Variants in CCNY observed in about 807,000 individuals in gnomAD.
CCNY encodes the protein cyclin Y, also known as cyclin-Y.
A neutral mutation model predicts 42.8 loss-of-function variants in CCNY; 19 were observed. The ratio of observed to expected loss-of-function variants is 0.44; its 90% confidence interval spans 0.31 to 0.65. CCNY has a LOEUF of 0.65. Ranked by LOEUF, CCNY falls within the 30% of genes least tolerant of loss-of-function variation. The pLI, the probability that CCNY is intolerant of heterozygous loss-of-function variation, is 0.07. For missense variants in CCNY, 370 were observed against 437.3 expected (o/e 0.85, Z 1.37); for synonymous variants, 165 against 162.7 (o/e 1.01, Z -0.11).
intron 1 of CCNY, among the ~76,000 whole-genome samples, chr10:35,465,899 A>AG (rs1564421943): frequency 2.4e-5 from 2 of 82,462 alleles, no homozygotes; most frequent in African/African-American, 9.2e-5. Context: ...TCAGCAGGGT[A>AG]GGGGGAAGAG....
chr10:35,334,397 A>G (rs985476373), upstream of CCNY, among the ~76,000 whole-genome samples: 4 of 152,248 alleles, frequency 2.6e-5, no homozygotes, highest in Non-Finnish European at 5.9e-5. Flanking sequence ...CAGAACAGAC[A>G]ACAACAGACA....
Position 35,253,296 on chromosome 10 carries a change from C to G in CCNY, c.-9+2670C>G, listed in dbSNP as rs2095713202. On this transcript the variant is annotated intron_variant, in intron 3 of 11. Coordinates refer to the CCNY transcript ENST00000374706. ...ATAGGATCTCACTCTGTCATCTAGGCTGGAGTGCAGTTGTGCTATCACAGC... is the reference window on the plus strand; with the variant it reads ...ATAGGATCTCACTCTGTCATCTAGGGTGGAGTGCAGTTGTGCTATCACAGC... Among the ~76,000 whole-genome samples the G allele has an allele frequency of 5.9e-5, 9 of 151,974 alleles. No individual in the cohort carries two copies. In the South Asian group the frequency reaches 1.9e-3, roughly 32 times the overall value.
chr10:35,325,013 C>G (rs527399016), intron 3 of CCNY, among the ~76,000 whole-genome samples: 1 of 152,234 alleles, frequency 6.6e-6, no homozygotes, highest in Non-Finnish European at 1.5e-5. Flanking sequence ...TGTCAACATA[C>G]TATAAAAATA....
intron 2 of CCNY, among the ~76,000 whole-genome samples, chr10:35,485,135 C>T (rs1436693180): frequency 6.6e-6 from 1 of 152,186 alleles, no homozygotes; most frequent in Non-Finnish European, 1.5e-5. Flanking sequence ...GGGAAAGTAA[C>T]CAATACCTCT....
chr10:35,334,303 G>T (rs1048074280), upstream of CCNY, among the ~76,000 whole-genome samples: 3 of 152,202 alleles, frequency 2.0e-5, no homozygotes, highest in African/African-American at 7.2e-5. Flanking sequence ...ATAGCTTAAT[G>T]CATCTGAGTA....
chr10:35,259,666 C>T lies in CCNY; in HGVS notation c.-9+9040C>T, dbSNP rs1410797698. Among the ~76,000 whole-genome samples, 33 of 84,850 alleles carry T rather than the reference C, an allele frequency of 3.9e-4. No individual in the cohort carries two copies. The South Asian group carries it at 0.013, about 33-fold the overall frequency. 55.7% of individuals were successfully genotyped at this position (84,850 alleles called of 152,430 possible). On this transcript the variant is annotated intron_variant, in intron 3 of 11. Transcript: ENST00000374706. ...TACAGACACACACCATCATGCCTGGCTAATTGTTTTTTTTTTTTTTTTTTT... is the reference window on the plus strand; with the variant it reads ...TACAGACACACACCATCATGCCTGGTTAATTGTTTTTTTTTTTTTTTTTTT...
chr10:35,328,122 C>T (rs1410987139), intron 3 of CCNY, among the ~76,000 whole-genome samples: 2 of 152,076 alleles, frequency 1.3e-5, no homozygotes, highest in African/African-American at 4.8e-5. Context: ...GGCATCAGTC[C>T]CAAAGGGATA....
intron 8 of CCNY, 67 bp downstream of exon 8, chr10:35,553,252 C>T: frequency 6.5e-7 from 1 of 1,545,666 alleles, no homozygotes; most frequent in Non-Finnish European, 8.9e-7. Context: ...AGAAAGCTGC[C>T]TCCTTTTTTA....
chr10:35,479,571 A>T lies in CCNY; in HGVS notation c.155-3833A>T, dbSNP rs1412962496. ...AATTGAACAATGAGAACACATGGACACAGGAAGGGGAACATCACACTCTGG... is the reference window on the plus strand; with the variant it reads ...AATTGAACAATGAGAACACATGGACTCAGGAAGGGGAACATCACACTCTGG... On this transcript the variant is annotated intron_variant, in intron 1 of 9. Coordinates refer to ENST00000374704, the MANE Select transcript of CCNY (RefSeq NM_145012.6). 2.7e-3 allele frequency among the ~76,000 whole-genome samples: 357 copies of T among 133,648 alleles called. 2 individuals carry two copies. Among genetic ancestry groups the T allele is most frequent in the African/African-American group, 9.7e-3 (337 of 34,780 alleles). 87.7% of individuals were successfully genotyped at this position (133,648 alleles called of 152,430 possible).
intron 3 of CCNY, among the ~76,000 whole-genome samples, chr10:35,275,979 C>T (rs1835234850): frequency 6.6e-6 from 1 of 152,210 alleles, no homozygotes; most frequent in South Asian, 2.1e-4. Flanking sequence ...TAGGTATTCC[C>T]CTTTCACCTA....
At chr10:35,326,337 A>T (rs1311472329) in intron 3 of CCNY, among the ~76,000 whole-genome samples, 1 of 152,192 alleles carries the variant, frequency 6.6e-6, no homozygotes, top group East Asian at 1.9e-4. Context: ...AGTTACTCAA[A>T]GTACAGCCTT....
rs71523370 is a variant in CCNY, at chr10:35,250,193, C to CAAA, written c.-113-312_-113-310dup. Among the ~76,000 whole-genome samples the CAAA allele has an allele frequency of 5.8e-3, 453 of 77,746 alleles. 20 individuals are homozygous for CAAA. The South Asian group carries it at 0.13, about 23-fold the overall frequency. 51.0% of individuals were successfully genotyped at this position (77,746 alleles called of 152,430 possible). ...TCGGTGACAGAGTGAGACTCCATCT[C>CAAA]AAAAAAAAAAAAAAAAAAAGAAGTA... On this transcript the variant is annotated intron_variant, in intron 2 of 11. Coordinates refer to the CCNY transcript ENST00000374706.
chr10:35,557,293 A>G (rs1475330549), intron 8 of CCNY, among the ~76,000 whole-genome samples: 1 of 152,136 alleles, frequency 6.6e-6, no homozygotes, highest in Non-Finnish European at 1.5e-5. Flanking sequence ...CCTTGAACTC[A>G]TTATTTTCTT....
intron 1 of CCNY, among the ~76,000 whole-genome samples, chr10:35,421,169 G>A (rs1356843364): frequency 2.0e-5 from 3 of 152,322 alleles, no homozygotes; most frequent in African/African-American, 7.2e-5. Flanking sequence ...CGCTTCTGGA[G>A]AAGCCCACTC....
intron 3 of CCNY, among the ~76,000 whole-genome samples, chr10:35,288,703 C>T (rs778418704): frequency 3.9e-5 from 6 of 152,116 alleles, no homozygotes; most frequent in Non-Finnish European, 8.8e-5. Flanking sequence ...ATAAGGATGC[C>T]CAGTTGTGCC....
At chr10:35,332,499 T>C (rs1835957189), upstream of CCNY, 1 of 152,254 alleles carries the variant, frequency 6.6e-6, no homozygotes. Context: ...GATACTAATA[T>C]TGCTTATGTT....
intron 1 of CCNY, among the ~76,000 whole-genome samples, chr10:35,479,595 G>A (rs1270125907): frequency 7.6e-6 from 1 of 131,510 alleles, no homozygotes; most frequent in Non-Finnish European, 1.6e-5. Context: ...ATCACACTCT[G>A]GGGACTGTTG....
intron 1 of CCNY, among the ~76,000 whole-genome samples, chr10:35,461,363 A>G (rs549762058): frequency 1.3e-4 from 20 of 152,188 alleles, no homozygotes; most frequent in Non-Finnish European, 2.8e-4. Flanking sequence ...TGGTTAGTGA[A>G]TGGAAAATTA....
intron 3 of CCNY, among the ~76,000 whole-genome samples, chr10:35,298,049 A>C (rs1835491907): frequency 6.6e-6 from 1 of 152,152 alleles, no homozygotes; most frequent in Admixed American, 6.6e-5. Flanking sequence ...AATTCTAAGC[A>C]AAAAGAACAA....
Sources: allele counts gnomAD v4.1 joint callset (sites outside exome capture counted in the v4.1 genomes callset), GRCh38; gene constraint gnomAD v4.1.1; transcripts MANE v1.5; gene names NCBI Gene and HGNC (gene_info 2026-07-23, HGNC 2026-07-21).